The following LRRC23 variants were observed in gnomAD, a reference collection of about 807,000 sequenced individuals.
LRRC23 encodes the protein leucine rich repeat containing 23.
Under a neutral mutation model 37.7 loss-of-function variants are expected in LRRC23, and 28 were observed. That is an observed-to-expected ratio of 0.74 (90% CI 0.55 to 1.02). LRRC23 has a LOEUF of 1.02. Among genes scored for constraint, LRRC23 ranks in the 50% least tolerant of loss-of-function variants. The probability of loss-of-function intolerance (pLI) is 0.00; values close to 1 mark genes in which losing one functional copy is unlikely to be tolerated. For missense variants in LRRC23, 377 were observed against 413.2 expected, an observed-to-expected ratio of 0.91 and a Z score of 0.76; for synonymous variants, 161 against 165.4, an observed-to-expected ratio of 0.97 and a Z score of 0.20.
Position 6,910,000 on chromosome 12 carries a change from G to A in LRRC23, c.732G>A (p.Met244Ile). 1 of 1,613,346 alleles carries A rather than the reference G, an allele frequency of 6.2e-7. No homozygotes were observed. Among genetic ancestry groups the A allele is most frequent in the Non-Finnish European group, 8.5e-7 (1 of 1,179,760 alleles). The change falls in exon 6 of 8, where the codon ATG becomes ATA. Residue 244 changes from methionine to isoleucine, a missense_variant. Around this residue, in one of 3 missense-constraint regions of LRRC23, gnomAD observed 266 missense variants for 285.6 expected, o/e 0.93. Transcript: ENST00000443597. ...IDTLSGFSRE[M>I]KSLQYLNLRG... Reference sequence around the variant, plus strand: ...CCCTGAGTGGCTTCTCCAGAGAAATGAAATCATTGCAGTACCTCAACCTGA... The same window carrying A: ...CCCTGAGTGGCTTCTCCAGAGAAATAAAATCATTGCAGTACCTCAACCTGA...
chr12:6,906,031 G>C, intron 3 of LRRC23, 77 bp downstream of exon 3: 1 of 1,294,068 alleles, frequency 7.7e-7, no homozygotes, highest in South Asian at 1.2e-5. Context: ...ATTCCTGGGT[G>C]TTCTGGTTGA....
intron 4 of LRRC23, 55 bp downstream of exon 4, chr12:6,906,717 CAGA>C: frequency 6.3e-7 from 1 of 1,578,412 alleles, no homozygotes; most frequent in South Asian, 1.2e-5. Flanking sequence ...CTGAGGCCAA[CAGA>C]AGTGGGCAGT....
chr12:6,908,688 G>A (rs1477579793), intron 5 of LRRC23, among the ~76,000 whole-genome samples: 1 of 147,538 alleles, frequency 6.8e-6, no homozygotes, highest in Non-Finnish European at 1.5e-5. Flanking sequence ...GCTGCGTGTG[G>A]TGGCAGGCAC....
In LRRC23 at chr12:6,912,833, T is replaced by C; in HGVS notation, c.862T>C (p.Tyr288His). 1.9e-6 allele frequency: 3 copies of C among 1,614,090 alleles called. No individual in the cohort carries two copies. The highest frequency in any genetic ancestry group is 2.5e-6 in the Non-Finnish European group (3 of 1,180,012). ...TAACCCATGCACGGACGAAACCAGC[T>C]ACCGCCAGGAGGCCCTGGTGCAGAT... ...LDNPCTDETS[Y>H]RQEALVQMPY... is the part of the protein sequence containing the mutation. Residue 288 changes from tyrosine (Y) to histidine (H), a missense_variant, in exon 7 of 8, where the codon TAC becomes CAC. This residue lies in a region of LRRC23 where 266 missense variants were observed against 285.6 expected (regional missense o/e 0.93). Transcript: ENST00000443597.
At position 6,912,816 on chromosome 12, in the gene LRRC23, G is replaced by A. The variant is rs1945196081; in HGVS notation, c.845G>A (p.Cys282Tyr). 1 of 1,614,186 alleles carries A rather than the reference G, an allele frequency of 6.2e-7. No individual in the cohort carries two copies. ...LRALVLLDNP[C>Y]TDETSYRQEA... ...GCGTTGGTGCTGCTTGATAACCCATGCACGGACGAAACCAGCTACCGCCAG... is the reference window on the plus strand; with the variant it reads ...GCGTTGGTGCTGCTTGATAACCCATACACGGACGAAACCAGCTACCGCCAG... Residue 282 changes from cysteine (C) to tyrosine (Y), a missense_variant, in exon 7 of 8, where the codon TGC becomes TAC. By Grantham distance (194) the Cys-to-Tyr change is radical (BLOSUM62 -2). Around this residue, in one of 3 missense-constraint regions of LRRC23, gnomAD observed 266 missense variants for 285.6 expected, o/e 0.93. Coordinates refer to ENST00000443597, the MANE Select transcript of LRRC23 (RefSeq NM_001135217.2).
chr12:6,913,795 C>A, intron 7 of LRRC23, 96 bp from the exon 8 acceptor site: 1 of 882,740 alleles, frequency 1.1e-6, no homozygotes, highest in Non-Finnish European at 1.7e-6. Flanking sequence ...GATCTCCTGA[C>A]CTCGTGATCT....
chr12:6,913,352 C>T lies in LRRC23; in HGVS notation c.*24+325C>T, dbSNP rs781913973. ...GACAGGTGTGGGTGCATGGTAGGGG[C>T]TGCAGGGGAAAGTTGGTGGTGTATG... On this transcript the variant is annotated intron_variant, in intron 7 of 7. Transcript: ENST00000443597. The T allele has an allele frequency of 1.3e-4, 38 of 295,306 alleles. No individual in the cohort carries two copies. The Admixed American group carries it at 1.6e-3, about 13-fold the overall frequency. The allele number at this position is 295,306 out of a possible 1,614,324, so 18.3% of individuals were successfully genotyped here.
intron 6 of LRRC23, 115 bp downstream of exon 6, chr12:6,910,141 G>T: frequency 2.9e-6 from 3 of 1,025,070 alleles, no homozygotes; most frequent in Admixed American, 2.7e-5. Flanking sequence ...GGATTCTCAA[G>T]GAAAGCCCGG....
intron 5 of LRRC23, among the ~76,000 whole-genome samples, chr12:6,909,163 TAA>T (rs1193188346): frequency 0.045 from 56 of 1,258 alleles, 5 homozygotes; most frequent in African/African-American, 0.074. Flanking sequence ...ATATTATATA[TAA>T]AATATATAAT....
chr12:6,913,477 G>A (rs967435925), intron 7 of LRRC23, among the ~76,000 whole-genome samples: 1 of 150,132 alleles, frequency 6.7e-6, no homozygotes, highest in Non-Finnish European at 1.5e-5. Context: ...AGGGCAGAGT[G>A]AGGCAAAAAG....
intron 6 of LRRC23, among the ~76,000 whole-genome samples, chr12:6,911,551 C>T (rs1945161609): frequency 1.3e-5 from 2 of 151,986 alleles, no homozygotes. Flanking sequence ...TGGCAGGTGC[C>T]TCTGGGGCCA....
At chr12:6,913,562 T>TTG (rs1945236462) in intron 7 of LRRC23, among the ~76,000 whole-genome samples, 2 of 111,242 alleles carry the variant, frequency 1.8e-5, no homozygotes, top group South Asian at 6.1e-4. Context: ...TTTGTTTTTT[T>TTG]TTTTTTTTTT....
chr12:6,909,682 A>C (rs1173720264), intron 5 of LRRC23, among the ~76,000 whole-genome samples: 2 of 149,756 alleles, frequency 1.3e-5, no homozygotes, highest in Non-Finnish European at 3.0e-5. Context: ...GGCGAATGGT[A>C]GAGGGTTACT....
At chr12:6,909,111 TTAC>T (rs1275629734) in intron 5 of LRRC23, among the ~76,000 whole-genome samples, 1 of 30,376 alleles carries the variant, frequency 3.3e-5, no homozygotes, top group Non-Finnish European at 4.5e-5. Context: ...TAATATATAA[TTAC>T]ATATAATATA....
In LRRC23 at chr12:6,911,729, C is replaced by A. The variant is rs782261588; in HGVS notation, c.759-1001C>A. Among the ~76,000 whole-genome samples, 13 of 152,256 alleles carry A rather than the reference C, an allele frequency of 8.5e-5. 1 individual carries two copies. In the East Asian group the frequency reaches 2.5e-3, roughly 29 times the overall value. On this transcript the variant is annotated intron_variant, in intron 6 of 7. Transcript: ENST00000443597. ...CAGAACATGAAAATAAATAAAATTC[C>A]AGGCATGGTGGCTCACGCCTGTAAT...
At position 6,904,899 on chromosome 12, in the gene LRRC23, A is replaced by T. The variant is rs944606201; in HGVS notation, c.-226A>T. ...AATCCCCTCCCCGGCTGATTTGCGCATCAGGTAGTCGCCGCTCTACTCTCA... is the reference window on the plus strand; with the variant it reads ...AATCCCCTCCCCGGCTGATTTGCGCTTCAGGTAGTCGCCGCTCTACTCTCA... On this transcript the variant is annotated 5_prime_UTR_variant, in exon 1 of 8. Transcript: ENST00000443597. 7.9e-5 allele frequency: 12 copies of T among 152,304 alleles called. 1 individual carries two copies. Among genetic ancestry groups the T allele is most frequent in the African/African-American group, 2.9e-4 (12 of 41,470 alleles). 9.4% of individuals were successfully genotyped at this position (152,304 alleles called of 1,614,324 possible). A position where few individuals can be genotyped will look rare whatever the true frequency, so the allele number is the denominator to read the frequency against.
intron 7 of LRRC23, among the ~76,000 whole-genome samples, chr12:6,913,395 G>A (rs1945219153): frequency 6.6e-6 from 1 of 151,830 alleles, no homozygotes; most frequent in Non-Finnish European, 1.5e-5. Flanking sequence ...ACCTAGGAGA[G>A]AAGCAGGAGA....
chr12:6,906,306 A>C, intron 3 of LRRC23, 103 bp from the exon 4 acceptor site: 1 of 1,141,384 alleles, frequency 8.8e-7, no homozygotes, highest in Non-Finnish European at 1.3e-6. Flanking sequence ...TCTTCTCCCC[A>C]TTATAAGCCA....
At position 6,906,633 on chromosome 12, in the gene LRRC23, A is replaced by T. The variant is rs782365447; in HGVS notation, c.461A>T (p.His154Leu). 10 of 1,614,014 alleles carry T rather than the reference A, an allele frequency of 6.2e-6. No individual in the cohort carries two copies. The Admixed American group carries it at 1.3e-4, about 22-fold the overall frequency. The change falls in exon 4 of 8, where the codon CAT becomes CTT. Residue 154 changes from histidine (H) to leucine (L), a missense_variant. Physicochemically the swap from His to Leu is moderately conservative, Grantham distance 99. Coordinates refer to ENST00000443597, the MANE Select transcript of LRRC23 (RefSeq NM_001135217.2). ...NQITDTEGIS[H>L]PRLETLNLKG... ...ATTACTGACACTGAAGGCATCTCTC[A>T]TCCTCGTCTTGAAACCCTGAATCTC...
Sources: allele counts gnomAD v4.1 joint callset (sites outside exome capture counted in the v4.1 genomes callset), GRCh38; gene constraint gnomAD v4.1.1; regional missense constraint gnomAD v4.1.1; transcripts MANE v1.5; gene names NCBI Gene and HGNC (gene_info 2026-07-23, HGNC 2026-07-21).